ZFPM2: variants seen among roughly 807,000 people sequenced by gnomAD.
ZFPM2 encodes zinc finger protein, FOG family member 2.
Under a neutral mutation model 98.6 loss-of-function variants are expected in ZFPM2, and 20 were observed. The ratio of observed to expected loss-of-function variants is 0.20; its 90% CI spans 0.14 to 0.29. The LOEUF is 0.29. ZFPM2 is among the 10% of genes least tolerant of loss of function. ZFPM2 has a pLI of 1.00. For synonymous variants in ZFPM2, 518 were observed against 502.7 expected, an observed-to-expected ratio of 1.03 and a Z score of -0.41; for missense variants, 1,310 against 1,388.6, an observed-to-expected ratio of 0.94 and a Z score of 0.90.
intron 3 of ZFPM2, among the ~76,000 whole-genome samples, chr8:105,536,229 T>G (rs2130609845): frequency 6.6e-6 from 1 of 152,304 alleles, no homozygotes; most frequent in African/African-American, 2.4e-5. Context: ...ATTTTAATTT[T>G]ACTGCTTAAT....
chr8:105,493,910 C>A (rs1004912777), intron 3 of ZFPM2, among the ~76,000 whole-genome samples: 1 of 151,916 alleles, frequency 6.6e-6, no homozygotes, highest in African/African-American at 2.4e-5. Flanking sequence ...CTTTGCCTGT[C>A]AAACTCAAGG....
intron 3 of ZFPM2, among the ~76,000 whole-genome samples, chr8:105,520,381 ATTAC>A (rs777609192): frequency 6.6e-6 from 1 of 152,164 alleles, no homozygotes; most frequent in Non-Finnish European, 1.5e-5. Context: ...ATGCATGTCA[ATTAC>A]TTACTAATAT....
At chr8:105,573,112 A>G (rs572810359) in intron 4 of ZFPM2, among the ~76,000 whole-genome samples, 68 of 152,274 alleles carry the variant, frequency 4.5e-4, no homozygotes, top group African/African-American at 1.5e-3. Flanking sequence ...ATCTGCTTAC[A>G]TGCTCACTCA....
intron 3 of ZFPM2, among the ~76,000 whole-genome samples, chr8:105,522,675 G>T (rs1255034109): frequency 1.3e-5 from 2 of 152,012 alleles, no homozygotes; most frequent in Non-Finnish European, 2.9e-5. Flanking sequence ...GGAGGCTGAG[G>T]CAGGAGAATC....
intron 2 of ZFPM2, among the ~76,000 whole-genome samples, chr8:105,431,777 G>T (rs1812024485): frequency 6.6e-6 from 1 of 152,104 alleles, no homozygotes; most frequent in South Asian, 2.1e-4. Flanking sequence ...AAACCTAGCA[G>T]GGCATGGTGG....
chr8:105,349,686 G>C (rs1195644056), intron 1 of ZFPM2, among the ~76,000 whole-genome samples: 2 of 152,128 alleles, frequency 1.3e-5, no homozygotes, highest in African/African-American at 4.8e-5. Flanking sequence ...AGATATGGGA[G>C]ATGTAGATGT....
At chr8:105,577,167 G>C (rs1302376712) in intron 4 of ZFPM2, among the ~76,000 whole-genome samples, 1 of 152,078 alleles carries the variant, frequency 6.6e-6, no homozygotes, top group African/African-American at 2.4e-5. Context: ...CATAAGTCAG[G>C]AACTCTTCTA....
chr8:105,782,791 A>G (rs1332646965), intron 5 of ZFPM2, among the ~76,000 whole-genome samples: 1 of 152,206 alleles, frequency 6.6e-6, no homozygotes, highest in Non-Finnish European at 1.5e-5. Flanking sequence ...CTTTTACAGA[A>G]TTCCATTTGT....
chr8:105,588,523 T>C (rs1815775000), intron 4 of ZFPM2, among the ~76,000 whole-genome samples: 2 of 152,240 alleles, frequency 1.3e-5, no homozygotes, highest in African/African-American at 2.4e-5. Flanking sequence ...TACATAAGAT[T>C]CTTCCCATTG....
At chr8:105,687,983 AG>A (rs1193532163) in intron 5 of ZFPM2, among the ~76,000 whole-genome samples, 1 of 152,114 alleles carries the variant, frequency 6.6e-6, no homozygotes, top group African/African-American at 2.4e-5. Flanking sequence ...GTTGGCTAAA[AG>A]GGGTAAGTGG....
intron 1 of ZFPM2, among the ~76,000 whole-genome samples, chr8:105,407,443 G>T (rs114263553): frequency 5.3e-4 from 80 of 151,940 alleles, no homozygotes; most frequent in African/African-American, 1.9e-3. Flanking sequence ...TTGAAAATAG[G>T]AAAATGTTTA....
intron 1 of ZFPM2, among the ~76,000 whole-genome samples, chr8:105,341,408 A>G (rs1396772064): frequency 1.3e-5 from 2 of 151,840 alleles, no homozygotes; most frequent in African/African-American, 4.8e-5. Flanking sequence ...TATACAATAT[A>G]TGTAATATTA....
intron 3 of ZFPM2, among the ~76,000 whole-genome samples, chr8:105,445,074 ATAAG>A (rs2130221315): frequency 6.6e-6 from 1 of 152,338 alleles, no homozygotes; most frequent in East Asian, 1.9e-4. Context: ...GTTTAAGAAT[ATAAG>A]TGAGTTCTGA....
At chr8:105,682,291 C>T (rs193077047) in intron 5 of ZFPM2, among the ~76,000 whole-genome samples, 3 of 152,164 alleles carry the variant, frequency 2.0e-5, no homozygotes, top group Admixed American at 2.0e-4. Context: ...TCATCATTCT[C>T]GTGTCATTTG....
intron 3 of ZFPM2, among the ~76,000 whole-genome samples, chr8:105,537,579 T>A (rs13250102): frequency 0.23 from 34,384 of 152,028 alleles, 4,232 homozygotes; most frequent in African/African-American, 0.32. Context: ...GCTTCTCAGG[T>A]GGCTGAGGCA....
At chr8:105,423,500 G>A (rs1408651822) in intron 2 of ZFPM2, among the ~76,000 whole-genome samples, 4 of 152,136 alleles carry the variant, frequency 2.6e-5, no homozygotes, top group African/African-American at 7.2e-5. Context: ...TTTAGAGTAC[G>A]TGGCATCTTG....
intron 5 of ZFPM2, among the ~76,000 whole-genome samples, chr8:105,695,511 T>C (rs6469010): frequency 0.18 from 26,761 of 151,606 alleles, 2,535 homozygotes; most frequent in South Asian, 0.31. Context: ...TGTAGTAGCC[T>C]AGCTCTGAAG....
Position 105,318,866 on chromosome 8 carries a change from G to GGGAGCGGGA in ZFPM2, c.-75_-74insGAGCGGGAG. The stretch of plus-strand genomic sequence containing the variant: ...GGCCAGCGGCGGCGGCGGCGGCGGC[G>GGGAGCGGGA]GCGGCGGGAGCCGAGGGAGCGGCAG... On this transcript the variant is annotated 5_prime_UTR_variant, in exon 1 of 8. Transcript: ENST00000407775. 1 of 820,110 alleles carries GGGAGCGGGA rather than the reference G, an allele frequency of 1.2e-6. No individual in the cohort carries two copies. The highest frequency in any genetic ancestry group is 1.5e-6 in the Non-Finnish European group (1 of 675,558). The allele number at this position is 820,110 out of a possible 1,614,324, so 50.8% of individuals were successfully genotyped here.
At chr8:105,332,871 T>A (rs557647605) in intron 1 of ZFPM2, among the ~76,000 whole-genome samples, 2 of 151,828 alleles carry the variant, frequency 1.3e-5, no homozygotes, top group East Asian at 1.9e-4. Flanking sequence ...TGAATAGTTG[T>A]GGCCAAAGAT....
Sources: gnomAD v4.1 joint callset for allele counts (sites outside exome capture counted in the v4.1 genomes callset) on GRCh38, gnomAD v4.1.1 for gene constraint, MANE v1.5 for transcripts, NCBI Gene and HGNC (gene_info 2026-07-23, HGNC 2026-07-21) for gene names.